The following CDH11 variants were observed in gnomAD, a reference collection of about 807,000 sequenced individuals.
CDH11 encodes the protein cadherin-11.
A neutral mutation model predicts 67.8 loss-of-function variants in CDH11; 11 were observed. That is an observed-to-expected ratio of 0.16 (90% CI 0.10 to 0.27). The LOEUF (loss-of-function observed/expected upper bound fraction) is 0.27, where lower values mean the gene tolerates loss of function less well. CDH11 is among the 10% of genes least tolerant of loss of function. The pLI, the probability that CDH11 is intolerant of heterozygous loss-of-function variation, is 1.00. For missense variants in CDH11, 847 were observed against 1,031.2 expected, an observed-to-expected ratio of 0.82 and a Z score of 2.45; for synonymous variants, 419 against 400.0, an observed-to-expected ratio of 1.05 and a Z score of -0.57.
intron 12 of CDH11, among the ~76,000 whole-genome samples, chr16:64,948,961 C>A (rs933745857): frequency 6.6e-6 from 1 of 152,196 alleles, no homozygotes; most frequent in Non-Finnish European, 1.5e-5. Flanking sequence ...CAGCTGAGCG[C>A]CCCTCTGGCT....
intron 1 of CDH11, among the ~76,000 whole-genome samples, chr16:65,117,457 T>A (rs2075261597): frequency 6.6e-6 from 1 of 152,196 alleles, no homozygotes; most frequent in African/African-American, 2.4e-5. Flanking sequence ...ATATGCAATT[T>A]AATCATAAGC....
In CDH11 at chr16:64,945,720, C is replaced by T. The variant is rs2071184299; in HGVS notation, c.*1883G>A. On this transcript the variant is annotated 3_prime_UTR_variant, in exon 13 of 13. Transcript: ENST00000268603. ...TGTTCAGCCCAATTTGATTTCAATG[C>T]AAAGTAAAATGGAAGTGAGCACTTC... 1 of 1,041,788 alleles carries T rather than the reference C, an allele frequency of 9.6e-7. No homozygotes were observed. The highest frequency in any genetic ancestry group is 1.2e-6 in the Non-Finnish European group (1 of 864,424). The allele number at this position is 1,041,788 out of a possible 1,614,324, so 64.5% of individuals were successfully genotyped here.
At chr16:64,998,510 CCA>C in intron 4 of CDH11, 50 bp downstream of exon 4, 1 of 1,567,452 alleles carries the variant, frequency 6.4e-7, no homozygotes, top group Non-Finnish European at 8.8e-7. Flanking sequence ...AGCCCACCCA[CCA>C]CAGAGACACC....
chr16:65,060,337 GCA>G (rs1491444658), intron 1 of CDH11, among the ~76,000 whole-genome samples: 1 of 61,700 alleles, frequency 1.6e-5, no homozygotes, highest in Non-Finnish European at 3.4e-5. Flanking sequence ...TATAAAATTT[GCA>G]TATATATATA....
chr16:65,000,206 T>C (rs965236587), intron 3 of CDH11, among the ~76,000 whole-genome samples: 2 of 152,188 alleles, frequency 1.3e-5, no homozygotes, highest in Non-Finnish European at 2.9e-5. Flanking sequence ...TCATCTTCTG[T>C]TCTGCCCTCA....
intron 1 of CDH11, among the ~76,000 whole-genome samples, chr16:65,099,714 T>C (rs1006857): frequency 0.064 from 9,804 of 152,180 alleles, 521 homozygotes; most frequent in African/African-American, 0.15. Context: ...AAATATAAAA[T>C]TCACAAGATT....
chr16:65,045,329 GTATATATATATATATATATATATATA>G lies in CDH11; in HGVS notation c.-173+8449_-173+8474del, dbSNP rs57695452. ...TTTTAAAAATTTGTTTCCCTCAAAAGTATATATATATATATATATATATATATATATATATATATATATGAACTGTT... is the reference window on the plus strand; with the variant it reads ...TTTTAAAAATTTGTTTCCCTCAAAAGTATATATATATATATATGAACTGTT... On this transcript the variant is annotated intron_variant, in intron 2 of 12. Coordinates refer to ENST00000268603, the MANE Select transcript of CDH11 (RefSeq NM_001797.4). 2.0e-3 allele frequency among the ~76,000 whole-genome samples: 126 copies of G among 63,288 alleles called. 3 individuals carry two copies. The Middle Eastern group carries it at 0.029, about 15-fold the overall frequency. The allele number at this position is 63,288 out of a possible 152,430, so 41.5% of individuals were successfully genotyped here. A position where few individuals can be genotyped will look rare whatever the true frequency, so the allele number is the denominator to read the frequency against.
intron 2 of CDH11, among the ~76,000 whole-genome samples, chr16:65,015,766 C>G (rs1167416598): frequency 6.6e-6 from 1 of 152,170 alleles, no homozygotes; most frequent in Non-Finnish European, 1.5e-5. Context: ...TCCCCATAGT[C>G]TGTTTTGTAA....
rs1383781324 is a variant in CDH11 at position 64,998,736 on chromosome 16, C to T, written c.349G>A (p.Asp117Asn). ...GTGTACTGGGCTCTCTCTTCTCGAT[C>T]CAACGTCTTGGTGGCATGAATGTTC... Reference protein sequence around the residue: ...SGNIHATKTLDREERAQYTLM... With the variant: ...SGNIHATKTLNREERAQYTLM... Residue 117 changes from aspartate (D) to asparagine (N), a missense_variant, in exon 4 of 13, where the codon GAT becomes AAT. This residue lies in a region of CDH11 where 235 missense variants were observed against 352.5 expected (regional missense o/e 0.67). Coordinates refer to ENST00000268603, the MANE Select transcript of CDH11 (RefSeq NM_001797.4). The T allele has an allele frequency of 1.9e-6, 3 of 1,614,156 alleles. No individual in the cohort carries two copies. Among genetic ancestry groups the T allele is most frequent in the East Asian group, 4.5e-5 (2 of 44,878 alleles).
intron 2 of CDH11, among the ~76,000 whole-genome samples, chr16:65,042,510 A>G (rs1426987405): frequency 6.6e-6 from 1 of 152,188 alleles, no homozygotes; most frequent in Non-Finnish European, 1.5e-5. Flanking sequence ...CTCAAGGGGC[A>G]GCAATTGTCA....
chr16:65,068,830 A>T (rs1174382462), intron 1 of CDH11, among the ~76,000 whole-genome samples: 2 of 152,246 alleles, frequency 1.3e-5, no homozygotes, highest in Non-Finnish European at 2.9e-5. Context: ...AGAAATAAGA[A>T]AAATGCTCTG....
chr16:65,099,863 T>G (rs549319494), intron 1 of CDH11, among the ~76,000 whole-genome samples: 2 of 152,138 alleles, frequency 1.3e-5, no homozygotes, highest in Non-Finnish European at 2.9e-5. Context: ...GACAATGAAC[T>G]CTTCATGCAG....
rs746714642 is a variant in CDH11, at chr16:64,992,910, A to T, written c.643+5T>A. 2 of 1,613,010 alleles carry T rather than the reference A, an allele frequency of 1.2e-6. No individual in the cohort carries two copies. The highest frequency in any genetic ancestry group is 4.5e-5 in the East Asian group (2 of 44,828). On this transcript the variant is annotated splice_donor_5th_base_variant and intron_variant, in intron 5 of 12. Transcript: ENST00000268603. ...GTCACAAATCACAGTGACATTCCAC[A>T]GTACCTGTCTGTGCTTCCACCGAAA...
chr16:65,054,231 T>G (rs2074107122), intron 1 of CDH11, among the ~76,000 whole-genome samples: 1 of 152,204 alleles, frequency 6.6e-6, no homozygotes, highest in South Asian at 2.1e-4. Flanking sequence ...ATACATTTGC[T>G]CTTGCATGAA....
At chr16:65,071,797 A>G (rs1018765423) in intron 1 of CDH11, among the ~76,000 whole-genome samples, 2 of 152,224 alleles carry the variant, frequency 1.3e-5, no homozygotes, top group Non-Finnish European at 2.9e-5. Context: ...TCAAAGGAAG[A>G]TCGTGACCCG....
intron 11 of CDH11, among the ~76,000 whole-genome samples, chr16:64,962,538 T>C (rs2071700631): frequency 6.6e-6 from 1 of 152,080 alleles, no homozygotes; most frequent in South Asian, 2.1e-4. Flanking sequence ...TTAAAATCTC[T>C]AGGGGAACCC....
intron 1 of CDH11, among the ~76,000 whole-genome samples, chr16:65,096,443 G>GTGTGTATA (rs71143551): frequency 0.014 from 1,999 of 138,366 alleles, 20 homozygotes; most frequent in Middle Eastern, 0.037. Flanking sequence ...GTGTGTGTGT[G>GTGTGTATA]TATATATATG....
intron 12 of CDH11, chr16:64,948,626 T>G: frequency 6.2e-7 from 1 of 1,611,720 alleles, no homozygotes; most frequent in Non-Finnish European, 8.5e-7. Flanking sequence ...GTGGTTGGAC[T>G]CTCTGTAGCC....
chr16:64,984,221 C>T (rs1025564154), intron 7 of CDH11, among the ~76,000 whole-genome samples: 3 of 152,200 alleles, frequency 2.0e-5, no homozygotes, highest in African/African-American at 7.2e-5. Context: ...TTTCCCTCCC[C>T]AGCGAGGTGG....
Sources: allele counts gnomAD v4.1 joint callset (sites outside exome capture counted in the v4.1 genomes callset), GRCh38; gene constraint gnomAD v4.1.1; regional missense constraint gnomAD v4.1.1; transcripts MANE v1.5; gene names NCBI Gene and HGNC (gene_info 2026-07-23, HGNC 2026-07-21).